The following MBOAT2 variants were observed in gnomAD, a reference collection of about 807,000 sequenced individuals.
MBOAT2 encodes the protein membrane bound glycerophospholipid O-acyltransferase 2.
A neutral mutation model predicts 63.4 loss-of-function variants in MBOAT2; 28 were observed. That is an observed-to-expected ratio of 0.44 (90% CI 0.33 to 0.61). The LOEUF is 0.61. Ranked by LOEUF, MBOAT2 falls within the 20% of genes least tolerant of loss-of-function variation. The pLI, the probability that MBOAT2 is intolerant of heterozygous loss-of-function variation, is 0.03. For synonymous variants in MBOAT2, 211 were observed against 215.6 expected (o/e 0.98, Z 0.19); for missense variants, 470 against 605.8 (o/e 0.78, Z 2.35).
intron 3 of MBOAT2, among the ~76,000 whole-genome samples, chr2:8,923,849 G>A (rs1351809894): frequency 6.6e-6 from 1 of 152,126 alleles, no homozygotes; most frequent in Non-Finnish European, 1.5e-5. Flanking sequence ...TCATCCAGTT[G>A]TACAGCCGTT....
At position 8,988,268 on chromosome 2, in the gene MBOAT2, T is replaced by C. The variant is rs534439621; in HGVS notation, c.75+15272A>G. Reference sequence around the variant, plus strand: ...TTGGTGGAGGTCAGTGACCATCTGATAGCCTAAACTACCACCATTTCTGAT... The same window carrying C: ...TTGGTGGAGGTCAGTGACCATCTGACAGCCTAAACTACCACCATTTCTGAT... On this transcript the variant is annotated intron_variant, in intron 1 of 12. Coordinates refer to ENST00000305997, the MANE Select transcript of MBOAT2 (RefSeq NM_138799.4). Among the ~76,000 whole-genome samples the C allele has an allele frequency of 4.6e-5, 7 of 152,306 alleles. No homozygotes were observed. The South Asian group carries it at 1.2e-3, about 27-fold the overall frequency.
intron 3 of MBOAT2, among the ~76,000 whole-genome samples, chr2:8,911,911 T>C (rs2148592431): frequency 6.6e-6 from 1 of 152,222 alleles, no homozygotes; most frequent in South Asian, 2.1e-4. Flanking sequence ...CCCACCCCCT[T>C]GAATCTATGC....
intron 3 of MBOAT2, among the ~76,000 whole-genome samples, chr2:8,912,352 A>G (rs1253451167): frequency 1.9e-5 from 1 of 53,418 alleles, no homozygotes; most frequent in East Asian, 6.8e-4. Flanking sequence ...AGAAAGAAAG[A>G]GAAAGAAAGA....
chr2:8,859,386 C>T (rs1206047249), intron 12 of MBOAT2, among the ~76,000 whole-genome samples: 1 of 152,144 alleles, frequency 6.6e-6, no homozygotes, highest in African/African-American at 2.4e-5. Context: ...TTGATGGTTA[C>T]TTTCATGAAG....
At chr2:8,904,475 T>TA (rs905177844) in intron 4 of MBOAT2, among the ~76,000 whole-genome samples, 1 of 151,996 alleles carries the variant, frequency 6.6e-6, no homozygotes, top group African/African-American at 2.4e-5. Flanking sequence ...CCATGCCAGC[T>TA]AATTTTTAAA....
intron 1 of MBOAT2, among the ~76,000 whole-genome samples, chr2:8,999,454 G>T (rs77874322): frequency 2.0e-5 from 3 of 152,130 alleles, no homozygotes; most frequent in African/African-American, 7.2e-5. Flanking sequence ...ATGTAATAGC[G>T]TACAGGATAT....
intron 5 of MBOAT2, among the ~76,000 whole-genome samples, chr2:8,883,040 T>C (rs950469910): frequency 1.6e-4 from 25 of 152,148 alleles, no homozygotes; most frequent in African/African-American, 5.6e-4. Flanking sequence ...CTATTTACGT[T>C]TCTCTTCAAA....
At chr2:9,002,904 G>A (rs1331832482) in intron 1 of MBOAT2, among the ~76,000 whole-genome samples, 1 of 152,178 alleles carries the variant, frequency 6.6e-6, no homozygotes, top group Non-Finnish European at 1.5e-5. Context: ...GATTAACTCC[G>A]ACTTTTCTTC....
chr2:8,953,771 C>T lies in MBOAT2; in HGVS notation c.221+4726G>A, dbSNP rs558228197. The stretch of plus-strand genomic sequence containing the variant: ...ATTCCTTGAGTGAGTTTTTCAATTC[C>T]AAAAGCTCTGACTGATTTCTTTTAC... On this transcript the variant is annotated intron_variant, in intron 2 of 12. Transcript: ENST00000305997. Among the ~76,000 whole-genome samples the T allele has an allele frequency of 8.2e-4, 125 of 152,290 alleles. No individual in the cohort carries two copies. In the South Asian group the frequency reaches 0.016, roughly 19 times the overall value.
intron 4 of MBOAT2, among the ~76,000 whole-genome samples, chr2:8,898,141 T>C (rs1664626467): frequency 6.6e-6 from 1 of 152,220 alleles, no homozygotes; most frequent in South Asian, 2.1e-4. Flanking sequence ...AGAGCTATCC[T>C]TGCTCCTCTG....
intron 1 of MBOAT2, among the ~76,000 whole-genome samples, chr2:8,995,882 C>T (rs1170783357): frequency 3.3e-5 from 5 of 152,150 alleles, no homozygotes; most frequent in Admixed American, 1.3e-4. Flanking sequence ...TGAGCCATCG[C>T]GCCCGGCCTA....
rs1481223813 is a variant in MBOAT2 at position 8,992,571 on chromosome 2, CTATTT to C, written c.75+10964_75+10968del. Among the ~76,000 whole-genome samples the C allele has an allele frequency of 6.6e-5, 10 of 151,514 alleles. No individual in the cohort carries two copies. The East Asian group carries it at 1.5e-3, about 23-fold the overall frequency. ...TTTGTTTGTACAAGCAGGGAGCTAT[CTATTT>C]TATTTTAACATATACCATACATGTA... On this transcript the variant is annotated intron_variant, in intron 1 of 12. Transcript: ENST00000305997.
chr2:8,994,492 A>G (rs1317255061), intron 1 of MBOAT2, among the ~76,000 whole-genome samples: 4 of 152,218 alleles, frequency 2.6e-5, no homozygotes, highest in African/African-American at 4.8e-5. Flanking sequence ...CTGTACAGAA[A>G]CAGGACAGGC....
chr2:8,884,195 C>CAA (rs1169179642), intron 5 of MBOAT2, among the ~76,000 whole-genome samples: 1,256 of 22,066 alleles, frequency 0.057, 176 homozygotes, highest in Non-Finnish European at 0.075. Flanking sequence ...AAGACTCAGC[C>CAA]AAAAAAAAAA....
chr2:8,922,640 G>A (rs749136185), intron 3 of MBOAT2, among the ~76,000 whole-genome samples: 4 of 152,116 alleles, frequency 2.6e-5, no homozygotes, highest in Admixed American at 2.6e-4. Flanking sequence ...ATGATTAGTC[G>A]GAGCTTATGC....
intron 7 of MBOAT2, among the ~76,000 whole-genome samples, chr2:8,876,723 G>A (rs1473285596): frequency 2.0e-5 from 3 of 148,240 alleles, no homozygotes; most frequent in African/African-American, 7.4e-5. Context: ...GGGGAAGGGG[G>A]AAGGGGGAAG....
chr2:8,896,169 G>A (rs1664452593), intron 4 of MBOAT2, among the ~76,000 whole-genome samples: 3 of 151,328 alleles, frequency 2.0e-5, no homozygotes, highest in South Asian at 4.2e-4. Flanking sequence ...AACCCGGGAG[G>A]TGGAGCTTGC....
chr2:8,945,209 CA>C (rs1056257726), intron 2 of MBOAT2, among the ~76,000 whole-genome samples: 1 of 152,148 alleles, frequency 6.6e-6, no homozygotes, highest in Non-Finnish European at 1.5e-5. Context: ...TTCGTTGCTG[CA>C]ACAATCCAAG....
chr2:8,956,491 G>T (rs1669233359), intron 2 of MBOAT2, among the ~76,000 whole-genome samples: 1 of 152,108 alleles, frequency 6.6e-6, no homozygotes, highest in African/African-American at 2.4e-5. Flanking sequence ...GCTTGAGTCT[G>T]GGAGTTCAAC....
Sources: gnomAD v4.1 joint callset for allele counts (sites outside exome capture counted in the v4.1 genomes callset) on GRCh38, gnomAD v4.1.1 for gene constraint, MANE v1.5 for transcripts, NCBI Gene and HGNC (gene_info 2026-07-23, HGNC 2026-07-21) for gene names.